The following GSDMC variants were observed in gnomAD, a reference collection of about 807,000 sequenced individuals.
The protein encoded by GSDMC is gasdermin C, also known as gasdermin-C.
Under a neutral mutation model 58.0 loss-of-function variants are expected in GSDMC, and 59 were observed. The observed-to-expected ratio is 1.02, with a 90% CI of 0.82 to 1.26. The LOEUF is 1.26. GSDMC is among the 50% of genes most tolerant of loss of function. The pLI is 0.00. For missense variants in GSDMC, 659 were observed against 598.5 expected, an observed-to-expected ratio of 1.10 and a Z score of -1.06; for synonymous variants, 241 against 220.2, an observed-to-expected ratio of 1.09 and a Z score of -0.83.
chr8:129,767,889 T>C (rs903147781), intron 3 of GSDMC, among the ~76,000 whole-genome samples: 8 of 152,036 alleles, frequency 5.3e-5, no homozygotes, highest in Admixed American at 5.2e-4. Context: ...CCCAATTATA[T>C]ACCCTGAACA....
At chr8:129,776,007 C>T in intron 3 of GSDMC, 95 bp downstream of exon 3, 1 of 952,822 alleles carries the variant, frequency 1.0e-6, no homozygotes, top group East Asian at 2.5e-5. Context: ...TGATTTTCAT[C>T]CCTACAACAA....
At chr8:129,760,649 A>C in intron 5 of GSDMC, 60 bp from the exon 6 acceptor site, 59 of 489,842 alleles carry the variant, frequency 1.2e-4, no homozygotes, top group Admixed American at 3.4e-4. Flanking sequence ...CTGAACCTAG[A>C]CCAGGGAACT....
intron 3 of GSDMC, among the ~76,000 whole-genome samples, chr8:129,772,268 A>C (rs1443990798): frequency 6.6e-6 from 1 of 151,726 alleles, no homozygotes; most frequent in Non-Finnish European, 1.5e-5. Flanking sequence ...CTCAAAAAAA[A>C]AAAAAAAAAA....
intron 11 of GSDMC, 37 bp from the exon 12 acceptor site, chr8:129,750,156 A>G: frequency 6.9e-7 from 1 of 1,442,540 alleles, no homozygotes; most frequent in African/African-American, 1.4e-5. Flanking sequence ...TAATAATACT[A>G]ATAACAGTAA....
In GSDMC at chr8:129,755,721, G is replaced by C. The variant is rs115888571; in HGVS notation, c.722-2901C>G. On this transcript the variant is annotated intron_variant, in intron 6 of 13. Coordinates refer to ENST00000276708, the MANE Select transcript of GSDMC (RefSeq NM_031415.3). ...AGAAGTTAGAAAGCGGGAAGGTAAA[G>C]TGTAGAGTTTTTACTTTATTAGGTT... Among the ~76,000 whole-genome samples the C allele has an allele frequency of 9.8e-3, 1,492 of 152,154 alleles. 30 individuals are homozygous for C. The highest frequency in any genetic ancestry group is 0.034 in the African/African-American group (1,418 of 41,544).
At chr8:129,718,044 A>G in the GSDMC span, among the ~76,000 whole-genome samples, 31,356 of 152,174 alleles carry the variant, frequency 0.21, 3,586 homozygotes, top group Non-Finnish European at 0.25. Context: ...CAAAACTTAA[A>G]TGTAAGACCT....
chr8:129,714,409 A>G, the GSDMC span, among the ~76,000 whole-genome samples: 1 of 152,242 alleles, frequency 6.6e-6, no homozygotes, highest in Admixed American at 6.5e-5. Flanking sequence ...CCGTCCATCC[A>G]TTCATCCAAC....
At chr8:129,754,336 G>T (rs758334652) in intron 6 of GSDMC, among the ~76,000 whole-genome samples, 1 of 152,128 alleles carries the variant, frequency 6.6e-6, no homozygotes, top group Non-Finnish European at 1.5e-5. Context: ...AGAAAGTAAG[G>T]GGAAAAAACA....
At chr8:129,769,025 C>T (rs2033961289) in intron 3 of GSDMC, among the ~76,000 whole-genome samples, 1 of 151,700 alleles carries the variant, frequency 6.6e-6, no homozygotes, top group South Asian at 2.1e-4. Context: ...CTGCAGTGAG[C>T]CAGGATCTTG....
intron 13 of GSDMC, among the ~76,000 whole-genome samples, 164 bp downstream of exon 13, chr8:129,749,288 C>T (rs964700100): frequency 6.6e-6 from 1 of 152,146 alleles, no homozygotes; most frequent in Non-Finnish European, 1.5e-5. Flanking sequence ...TGGACCAGGT[C>T]TCCAGAAGGA....
intron 6 of GSDMC, among the ~76,000 whole-genome samples, chr8:129,753,169 TA>T (rs1251628988): frequency 2.0e-5 from 3 of 152,096 alleles, no homozygotes; most frequent in African/African-American, 7.2e-5. Flanking sequence ...CTGGGGTGAC[TA>T]AAAAAAGGTG....
At chr8:129,735,912 G>C in the GSDMC span, among the ~76,000 whole-genome samples, 1 of 152,174 alleles carries the variant, frequency 6.6e-6, no homozygotes. Flanking sequence ...CCGCTAGCAA[G>C]ACTAATAAAG....
chr8:129,725,300 T>G, the GSDMC span, among the ~76,000 whole-genome samples: 56,029 of 152,064 alleles, frequency 0.37, 13,922 homozygotes, highest in East Asian at 0.71. Context: ...TTATCCTCCC[T>G]GGAACCTCAG....
the GSDMC span, among the ~76,000 whole-genome samples, chr8:129,721,127 G>C: frequency 6.6e-6 from 1 of 152,108 alleles, no homozygotes; most frequent in African/African-American, 2.4e-5. Flanking sequence ...GTCTTCCAAT[G>C]GCCCATTTTT....
chr8:129,716,270 T>C, the GSDMC span, among the ~76,000 whole-genome samples: 2 of 152,154 alleles, frequency 1.3e-5, no homozygotes, highest in Admixed American at 6.5e-5. Flanking sequence ...GAAATGTACT[T>C]TAAATATGAA....
the GSDMC span, among the ~76,000 whole-genome samples, chr8:129,719,788 T>C: frequency 3.0e-3 from 453 of 152,106 alleles, 3 homozygotes; most frequent in African/African-American, 0.01. Flanking sequence ...CTACTAAAAA[T>C]ACAAAGATTA....
chr8:129,764,329 T>C (rs1415718049), intron 4 of GSDMC, among the ~76,000 whole-genome samples: 1 of 152,196 alleles, frequency 6.6e-6, no homozygotes, highest in Non-Finnish European at 1.5e-5. Context: ...GGGGTTTTTT[T>C]AGTTATTTCT....
chr8:129,751,599 T>C, intron 9 of GSDMC, 31 bp from the exon 10 acceptor site: 1 of 1,607,334 alleles, frequency 6.2e-7, no homozygotes, highest in South Asian at 1.1e-5. Flanking sequence ...TCATCTCACT[T>C]CCTCATCCCC....
the GSDMC span, among the ~76,000 whole-genome samples, chr8:129,715,854 T>G: frequency 6.6e-6 from 1 of 152,186 alleles, no homozygotes; most frequent in Admixed American, 6.5e-5. Context: ...AACAATGTAG[T>G]ACAGGTTTTA....
Sources: allele counts gnomAD v4.1 joint callset (sites outside exome capture counted in the v4.1 genomes callset), GRCh38; gene constraint gnomAD v4.1.1; transcripts MANE v1.5; gene names NCBI Gene and HGNC (gene_info 2026-07-23, HGNC 2026-07-21).